Variants in NBAS observed in about 807,000 individuals in gnomAD.
NBAS encodes the protein NAG/BC035112 fusion.
In NBAS, 219 loss-of-function variants were observed where a neutral mutation model predicts 302.5. That is an observed-to-expected ratio of 0.72 (90% CI 0.65 to 0.81). NBAS has a LOEUF of 0.81. NBAS is among the 30% of genes least tolerant of loss of function. The probability of loss-of-function intolerance (pLI) is 0.00; values close to 1 mark genes in which losing one functional copy is unlikely to be tolerated. For missense variants in NBAS, 2,932 were observed against 2,841.6 expected, an observed-to-expected ratio of 1.03 and a Z score of -0.72; for synonymous variants, 1,118 against 1,021.6, an observed-to-expected ratio of 1.09 and a Z score of -1.80.
At chr2:14,931,882 G>T in the NBAS span, among the ~76,000 whole-genome samples, 1 of 152,132 alleles carries the variant, frequency 6.6e-6, no homozygotes, top group Non-Finnish European at 1.5e-5. Context: ...GTTTTCTTAT[G>T]TATTAGAATT....
chr2:15,215,532 C>A (rs1666612707), intron 48 of NBAS, among the ~76,000 whole-genome samples: 2 of 152,198 alleles, frequency 1.3e-5, no homozygotes, highest in Admixed American at 1.3e-4. Context: ...ATTATCTATT[C>A]TTATCCTTAC....
intron 12 of NBAS, among the ~76,000 whole-genome samples, chr2:15,486,739 T>C (rs1350192313): frequency 6.6e-6 from 1 of 152,168 alleles, no homozygotes; most frequent in Non-Finnish European, 1.5e-5. Context: ...AAACAACTTT[T>C]ACTTTTTTTA....
chr2:15,401,310 T>C lies in NBAS; in HGVS notation c.3071+858A>G, dbSNP rs565858073. On this transcript the variant is annotated intron_variant, in intron 26 of 51. Transcript: ENST00000281513. ...CTTCATAAGAAATAAAAATTTCCTTTAGTCAGATATGAGCCCCCCCTCCCA... is the reference window on the plus strand; with the variant it reads ...CTTCATAAGAAATAAAAATTTCCTTCAGTCAGATATGAGCCCCCCCTCCCA... 3.9e-5 allele frequency among the ~76,000 whole-genome samples: 6 copies of C among 152,134 alleles called. No individual in the cohort carries two copies. In the East Asian group the frequency reaches 1.2e-3, roughly 29 times the overall value.
At chr2:14,960,026 T>C in the NBAS span, among the ~76,000 whole-genome samples, 2 of 152,224 alleles carry the variant, frequency 1.3e-5, no homozygotes, top group African/African-American at 4.8e-5. Context: ...GGAAATGACG[T>C]TTCTTTTACC....
At chr2:15,508,336 G>GA (rs1661970199) in intron 10 of NBAS, among the ~76,000 whole-genome samples, 1 of 152,178 alleles carries the variant, frequency 6.6e-6, no homozygotes, top group African/African-American at 2.4e-5. Flanking sequence ...GGTGCAAAGG[G>GA]AAAGCACAGG....
chr2:15,264,960 T>C (rs1669012774), intron 44 of NBAS, among the ~76,000 whole-genome samples: 1 of 152,192 alleles, frequency 6.6e-6, no homozygotes, highest in Admixed American at 6.5e-5. Context: ...ACTGACATCC[T>C]TAAATCATCT....
At chr2:15,349,124 T>C (rs1184647092) in intron 35 of NBAS, among the ~76,000 whole-genome samples, 2 of 152,188 alleles carry the variant, frequency 1.3e-5, no homozygotes, top group Non-Finnish European at 2.9e-5. Flanking sequence ...CACTGGAACA[T>C]AACAGATGTT....
chr2:14,905,726 C>T, the NBAS span, among the ~76,000 whole-genome samples: 193 of 152,284 alleles, frequency 1.3e-3, no homozygotes, highest in Middle Eastern at 6.8e-3. Context: ...GCATTGCAGG[C>T]CACACGTGAC....
chr2:14,966,009 G>C, the NBAS span, among the ~76,000 whole-genome samples: 4 of 152,112 alleles, frequency 2.6e-5, no homozygotes, highest in African/African-American at 7.2e-5. Flanking sequence ...TGAACACAGA[G>C]ATAAAGAGAC....
At chr2:15,286,351 T>C (rs1185465533) in intron 42 of NBAS, among the ~76,000 whole-genome samples, 2 of 152,206 alleles carry the variant, frequency 1.3e-5, no homozygotes, top group Non-Finnish European at 2.9e-5. Context: ...GGTCATATTA[T>C]GTCCTTGTTC....
At chr2:15,151,799 C>G in the NBAS span, among the ~76,000 whole-genome samples, 2 of 152,172 alleles carry the variant, frequency 1.3e-5, no homozygotes, top group African/African-American at 4.8e-5. Flanking sequence ...ATCCTCCTGA[C>G]AGCCATCACA....
At chr2:15,313,990 G>T (rs985551525) in intron 38 of NBAS, among the ~76,000 whole-genome samples, 1 of 152,176 alleles carries the variant, frequency 6.6e-6, no homozygotes, top group Admixed American at 6.5e-5. Flanking sequence ...ATTCTTCAGT[G>T]ATTGGGTTCT....
chr2:15,254,577 G>A (rs1311771708), intron 44 of NBAS, among the ~76,000 whole-genome samples: 1 of 151,996 alleles, frequency 6.6e-6, no homozygotes, highest in Non-Finnish European at 1.5e-5. Context: ...CAGTTTTAGG[G>A]GAACAGGTGG....
chr2:15,320,845 A>G (rs1671770849), intron 38 of NBAS, among the ~76,000 whole-genome samples: 1 of 152,204 alleles, frequency 6.6e-6, no homozygotes, highest in African/African-American at 2.4e-5. Context: ...ATTCAATGCC[A>G]TCCCCATCAA....
At chr2:15,453,787 C>CTT (rs201822394) in intron 21 of NBAS, among the ~76,000 whole-genome samples, 3 of 148,592 alleles carry the variant, frequency 2.0e-5, no homozygotes, top group Non-Finnish European at 4.5e-5. Context: ...TTTCTTTTTT[C>CTT]TTTTTTTTTT....
At chr2:14,801,408 A>AT in the NBAS span, among the ~76,000 whole-genome samples, 2 of 152,136 alleles carry the variant, frequency 1.3e-5, no homozygotes, top group African/African-American at 2.4e-5. Flanking sequence ...AATTTCACCA[A>AT]TTTTTTATTC....
the NBAS span, among the ~76,000 whole-genome samples, chr2:14,976,010 T>C: frequency 1.3e-5 from 2 of 151,094 alleles, no homozygotes; most frequent in African/African-American, 2.4e-5. Context: ...GAAAAATATA[T>C]GAAACAACTC....
At chr2:15,160,345 C>T in the NBAS span, among the ~76,000 whole-genome samples, 3 of 151,954 alleles carry the variant, frequency 2.0e-5, 1 homozygote, top group South Asian at 4.2e-4. Context: ...GGGTGGCAGG[C>T]GATGAGAGAG....
chr2:14,897,278 T>C, the NBAS span, among the ~76,000 whole-genome samples: 24 of 152,292 alleles, frequency 1.6e-4, 1 homozygote, highest in South Asian at 4.8e-3. Flanking sequence ...GTATTCCTTT[T>C]TAGAGCGCTA....
Sources: gnomAD v4.1 joint callset for allele counts (sites outside exome capture counted in the v4.1 genomes callset) on GRCh38, gnomAD v4.1.1 for gene constraint, MANE v1.5 for transcripts, NCBI Gene and HGNC (gene_info 2026-07-23, HGNC 2026-07-21) for gene names.